The following ABCC4 variants were observed in gnomAD, a reference collection of about 807,000 sequenced individuals.
ABCC4 encodes the protein ATP-binding cassette sub-family C member 4.
A neutral mutation model predicts 168.5 loss-of-function variants in ABCC4; 102 were observed. That is an observed-to-expected ratio of 0.61 (90% CI 0.52 to 0.71). ABCC4 has a LOEUF of 0.71. Among genes scored for constraint, ABCC4 ranks in the 30% least tolerant of loss-of-function variants. The pLI is 0.00. For synonymous variants in ABCC4, 617 were observed against 590.7 expected (o/e 1.04, Z -0.65); for missense variants, 1,402 against 1,605.8 (o/e 0.87, Z 2.17).
Position 95,164,503 on chromosome 13 carries a change from C to T in ABCC4, c.2050G>A (p.Val684Ile), listed in dbSNP as rs1490428466. The T allele has an allele frequency of 6.2e-7, 1 of 1,613,968 alleles. No homozygotes were observed. Among genetic ancestry groups the T allele is most frequent in the Non-Finnish European group, 8.5e-7 (1 of 1,180,028 alleles). ...LESQDTENVP[V>I]TLSEENRSEG... is the part of the protein sequence containing the mutation. ...GAACGGTTCTCCTCTGATAGTGTAA[C>T]TGGGACATTCTCTGTCTGCAGAGGA... Residue 684 changes from valine (V) to isoleucine (I), a missense_variant, in exon 16 of 31, where the codon GTT (valine) becomes ATT (isoleucine). Val to Ile is a conservative substitution (Grantham distance 29). This residue lies in a region of ABCC4 where 1,007 missense variants were observed against 1,127.3 expected (regional missense o/e 0.89). Coordinates refer to ENST00000645237, the MANE Select transcript of ABCC4 (RefSeq NM_005845.5).
intron 1 of ABCC4, among the ~76,000 whole-genome samples, chr13:95,294,533 C>G (rs1034186658): frequency 1.2e-4 from 18 of 152,172 alleles, no homozygotes; most frequent in African/African-American, 4.1e-4. Context: ...CTTTATTCAG[C>G]TGGAGAGGCG....
intron 1 of ABCC4, among the ~76,000 whole-genome samples, chr13:95,296,135 AACACACACACACACACACACAC>A (rs753316849): frequency 1.0e-5 from 1 of 98,846 alleles, no homozygotes; most frequent in Non-Finnish European, 2.0e-5. Flanking sequence ...CCTGTCTCAA[AACACACACACACACACACACAC>A]ACACACACAC....
chr13:95,031,069 T>A (rs1359691316), intron 30 of ABCC4, among the ~76,000 whole-genome samples: 3 of 152,220 alleles, frequency 2.0e-5, no homozygotes, highest in Non-Finnish European at 4.4e-5. Flanking sequence ...GAAAAGCTTG[T>A]TGATTTAGAC....
chr13:95,248,901 G>A (rs573845994), intron 1 of ABCC4, among the ~76,000 whole-genome samples: 3 of 152,250 alleles, frequency 2.0e-5, no homozygotes, highest in East Asian at 3.9e-4. Context: ...TTAGCGAGGT[G>A]TGATGACACA....
rs144222160 is a variant in ABCC4 at position 95,062,740 on chromosome 13, A to G, written c.3330T>C (p.Leu1110=). 168 of 1,613,990 alleles carry G rather than the reference A, an allele frequency of 1.0e-4. No individual in the cohort carries two copies. The African/African-American group carries it at 1.9e-3, about 19-fold the overall frequency. Residue 1110 remains leucine, a synonymous_variant, in exon 26 of 31, where the codon CTT becomes CTC. Coordinates refer to ENST00000645237, the MANE Select transcript of ABCC4 (RefSeq NM_005845.5). ...IDKILTTEIG[L]HDLRKKMSII... is the part of the protein sequence containing the mutation. The stretch of plus-strand genomic sequence containing the variant: ...TTGACATCTTCTTCCTTAAATCGTG[A>G]AGTCCAATTTCAGTTGTCAAGATCT...
intron 4 of ABCC4, among the ~76,000 whole-genome samples, chr13:95,221,958 G>A (rs948033400): frequency 6.6e-6 from 1 of 152,110 alleles, no homozygotes; most frequent in African/African-American, 2.4e-5. Context: ...AAACTTCCCT[G>A]AGGCACAAAT....
At chr13:95,185,329 T>C (rs1364776374) in intron 11 of ABCC4, among the ~76,000 whole-genome samples, 1 of 152,214 alleles carries the variant, frequency 6.6e-6, no homozygotes, top group African/African-American at 2.4e-5. Flanking sequence ...ATATAGTGTA[T>C]ACTATTCAAT....
chr13:95,104,840 T>C (rs1245038619), intron 20 of ABCC4, among the ~76,000 whole-genome samples: 1 of 152,148 alleles, frequency 6.6e-6, no homozygotes, highest in African/African-American at 2.4e-5. Context: ...GAGGGTGCTG[T>C]GAATCCAGAA....
Position 95,206,596 on chromosome 13 carries a change from G to A in ABCC4, c.1097C>T (p.Thr366Ile), listed in dbSNP as rs749232658. The stretch of plus-strand genomic sequence containing the variant: ...CTCAATGGCTGAGGGGAAGAAGAGG[G>A]TAACCGTCAGCCGCACAGCCCCATA... ...TLYGAVRLTV[T>I]LFFPSAIERV... Residue 366 changes from threonine (T) to isoleucine (I), a missense_variant, in exon 8 of 31, where the codon ACC becomes ATC. Thr to Ile is a moderately conservative substitution (Grantham distance 89). Transcript: ENST00000645237. 6.2e-7 allele frequency: 1 copy of A among 1,614,156 alleles called. No individual in the cohort carries two copies. The highest frequency in any genetic ancestry group is 1.1e-5 in the South Asian group (1 of 91,078).
chr13:95,218,958 AAAG>A, intron 4 of ABCC4, among the ~76,000 whole-genome samples: 1 of 39,380 alleles, frequency 2.5e-5, no homozygotes, highest in East Asian at 3.9e-4. Flanking sequence ...AGAAAGAAAG[AAAG>A]AAAGAAAGAA....
chr13:95,161,482 A>T, intron 18 of ABCC4, 147 bp from the exon 19 acceptor site: 1 of 544,174 alleles, frequency 1.8e-6, no homozygotes, highest in Non-Finnish European at 2.9e-6. Context: ...ATGTATTTAC[A>T]AAATACATTG....
intron 20 of ABCC4, among the ~76,000 whole-genome samples, chr13:95,112,265 A>G (rs1165481288): frequency 6.6e-6 from 1 of 151,946 alleles, no homozygotes; most frequent in Non-Finnish European, 1.5e-5. Context: ...AGGCATGAAA[A>G]TCGTTTGAAC....
intron 19 of ABCC4, among the ~76,000 whole-genome samples, chr13:95,146,598 C>T (rs758897184): frequency 1.3e-5 from 2 of 152,092 alleles, no homozygotes; most frequent in African/African-American, 2.4e-5. Flanking sequence ...CACATCCCTG[C>T]GGTTGCCACA....
intron 1 of ABCC4, among the ~76,000 whole-genome samples, chr13:95,268,372 T>C (rs969333931): frequency 2.6e-5 from 4 of 152,160 alleles, no homozygotes; most frequent in African/African-American, 9.7e-5. Context: ...GTTTCTCCCA[T>C]GTGATAGTCT....
intron 26 of ABCC4, among the ~76,000 whole-genome samples, chr13:95,057,816 C>T (rs924443798): frequency 6.6e-6 from 1 of 152,240 alleles, no homozygotes; most frequent in African/African-American, 2.4e-5. Flanking sequence ...GCACTTGGTT[C>T]TGCTTTTGCT....
chr13:95,126,734 T>TATATATATATATTCCAAA (rs2035781712), intron 19 of ABCC4, among the ~76,000 whole-genome samples: 1 of 123,940 alleles, frequency 8.1e-6, no homozygotes, highest in African/African-American at 3.1e-5. Flanking sequence ...TATATATATA[T>TATATATATATATTCCAAA]ATATATATAT....
At chr13:95,177,830 G>A (rs1354726727) in intron 12 of ABCC4, 37 bp from the exon 13 acceptor site, 1 of 1,574,208 alleles carries the variant, frequency 6.4e-7, no homozygotes, top group South Asian at 1.1e-5. Flanking sequence ...TCTCACCCAG[G>A]AACATGACAA....
chr13:95,223,953 T>C (rs773555078), intron 4 of ABCC4, among the ~76,000 whole-genome samples: 16 of 152,042 alleles, frequency 1.1e-4, no homozygotes, highest in Non-Finnish European at 1.9e-4. Context: ...GACTGTCCTA[T>C]AAGACAATCT....
intron 27 of ABCC4, among the ~76,000 whole-genome samples, chr13:95,050,784 G>C (rs760415439): frequency 6.6e-6 from 1 of 152,176 alleles, no homozygotes; most frequent in African/African-American, 2.4e-5. Context: ...AATGAAATAA[G>C]TATGAGTTAC....
Sources: allele counts gnomAD v4.1 joint callset (sites outside exome capture counted in the v4.1 genomes callset), GRCh38; gene constraint gnomAD v4.1.1; regional missense constraint gnomAD v4.1.1; transcripts MANE v1.5; gene names NCBI Gene and HGNC (gene_info 2026-07-23, HGNC 2026-07-21).